PTPRG: variants seen among roughly 807,000 people sequenced by gnomAD.
PTPRG encodes the protein protein tyrosine phosphatase receptor type G, also known as receptor-type tyrosine-protein phosphatase gamma.
A neutral mutation model predicts 165.3 loss-of-function variants in PTPRG; 102 were observed. That is an observed-to-expected ratio of 0.62 (90% confidence interval 0.53 to 0.73). The LOEUF (loss-of-function observed/expected upper bound fraction) is 0.73, where lower values mean the gene tolerates loss of function less well. PTPRG is among the 30% of genes least tolerant of loss of function. The pLI is 0.00. For missense variants in PTPRG, 1,866 were observed against 1,861.4 expected (o/e 1.00, Z -0.05); for synonymous variants, 675 against 669.5 (o/e 1.01, Z -0.13).
At chr3:62,191,831 A>G (rs1699832155) in intron 9 of PTPRG, among the ~76,000 whole-genome samples, 178 bp downstream of exon 9, 1 of 152,144 alleles carries the variant, frequency 6.6e-6, no homozygotes, top group South Asian at 2.1e-4. Context: ...CAGTGGATGG[A>G]GCCTGCCTGG....
rs966406048 is a variant in PTPRG, at chr3:62,106,561, C to A, written c.616-26041C>A. Among the ~76,000 whole-genome samples the A allele has an allele frequency of 2.0e-5, 3 of 148,794 alleles. No homozygotes were observed. In the South Asian group the frequency reaches 6.4e-4, roughly 32 times the overall value. On this transcript the variant is annotated intron_variant, in intron 5 of 29. Coordinates refer to ENST00000474889, the MANE Select transcript of PTPRG (RefSeq NM_002841.4). ...TGTTGCCCAGGCTGGGGTGCAGTGA[C>A]GCAATCACGGTTCACCGCAGCCTTG...
At chr3:62,183,658 T>C (rs1705751305) in intron 8 of PTPRG, among the ~76,000 whole-genome samples, 1 of 151,634 alleles carries the variant, frequency 6.6e-6, no homozygotes, top group Non-Finnish European at 1.5e-5. Flanking sequence ...ATCCTGTCAC[T>C]CCTTGAAGGA....
chr3:61,577,992 G>A (rs957023904), intron 1 of PTPRG, among the ~76,000 whole-genome samples: 7 of 152,246 alleles, frequency 4.6e-5, no homozygotes, highest in African/African-American at 1.7e-4. Context: ...TGTTGGAGGA[G>A]TAAATGAGGT....
intron 28 of PTPRG, among the ~76,000 whole-genome samples, chr3:62,286,799 T>G (rs1702681456): frequency 6.6e-6 from 1 of 152,122 alleles, no homozygotes; most frequent in African/African-American, 2.4e-5. Context: ...CTTATACCAC[T>G]TTTGCACCAA....
chr3:61,922,649 T>C (rs1159958203), intron 2 of PTPRG, among the ~76,000 whole-genome samples: 2 of 152,184 alleles, frequency 1.3e-5, no homozygotes, highest in Non-Finnish European at 2.9e-5. Flanking sequence ...GTTCAGGTCT[T>C]TTATCTTTTG....
intron 2 of PTPRG, among the ~76,000 whole-genome samples, chr3:61,841,397 T>A (rs1277851431): frequency 6.6e-6 from 1 of 152,138 alleles, no homozygotes; most frequent in Non-Finnish European, 1.5e-5. Flanking sequence ...TTTTGTGAGG[T>A]TTCTTGTTTC....
At position 62,282,603 on chromosome 3, in the gene PTPRG, G is replaced by A. The variant is rs765801964; in HGVS notation, c.3913-124G>A. On this transcript the variant is annotated intron_variant, in intron 27 of 29. Transcript: ENST00000474889. ...TTTTTCTTCTTTCCAGCTGTGGTTT[G>A]GTTAACACAACATTGTTGAGAGTTA... 653 of 900,704 alleles carry A rather than the reference G, an allele frequency of 7.2e-4. 4 individuals carry two copies. The Middle Eastern group carries it at 8.3e-3, about 11-fold the overall frequency. The allele number at this position is 900,704 out of a possible 1,614,324, so 55.8% of individuals were successfully genotyped here. A position where few individuals can be genotyped will look rare whatever the true frequency, so the allele number is the denominator to read the frequency against.
At chr3:62,032,782 T>C (rs1269555369) in intron 4 of PTPRG, among the ~76,000 whole-genome samples, 2 of 152,182 alleles carry the variant, frequency 1.3e-5, no homozygotes, top group African/African-American at 2.4e-5. Context: ...GAAATTTTAA[T>C]TTCAGATCAG....
At chr3:62,179,713 C>T (rs963429008) in intron 8 of PTPRG, among the ~76,000 whole-genome samples, 1 of 152,238 alleles carries the variant, frequency 6.6e-6, no homozygotes. Context: ...CCTGGTCTCT[C>T]CATCAACTGA....
intron 8 of PTPRG, among the ~76,000 whole-genome samples, chr3:62,188,645 C>CA (rs887358717): frequency 3.9e-5 from 6 of 151,962 alleles, no homozygotes; most frequent in Non-Finnish European, 8.8e-5. Context: ...ATTTTAATTT[C>CA]AAAAAATAAG....
At chr3:62,000,526 A>G (rs1419333436) in intron 3 of PTPRG, among the ~76,000 whole-genome samples, 6 of 152,276 alleles carry the variant, frequency 3.9e-5, no homozygotes, top group Non-Finnish European at 7.4e-5. Context: ...TGGCATGCAA[A>G]TGTTTACATA....
intron 2 of PTPRG, among the ~76,000 whole-genome samples, chr3:61,759,484 G>C (rs888423163): frequency 1.3e-5 from 2 of 151,818 alleles, no homozygotes; most frequent in East Asian, 1.9e-4. Flanking sequence ...GTGAGGACCT[G>C]TCTCTACAAA....
At chr3:62,266,672 C>G (rs532233991) in intron 17 of PTPRG, among the ~76,000 whole-genome samples, 1 of 151,734 alleles carries the variant, frequency 6.6e-6, no homozygotes, top group South Asian at 2.1e-4. Context: ...ACTTCTTTTT[C>G]AACTAGCCTT....
intron 1 of PTPRG, among the ~76,000 whole-genome samples, chr3:61,589,126 A>G (rs947324070): frequency 1.3e-5 from 2 of 152,250 alleles, no homozygotes; most frequent in Non-Finnish European, 2.9e-5. Context: ...TGAGACGGAC[A>G]TAATTATATG....
rs1576237725 is a variant in PTPRG, at chr3:62,293,789, A to C, written c.*482A>C. 1 of 152,332 alleles carries C rather than the reference A, an allele frequency of 6.6e-6. No homozygotes were observed. Among genetic ancestry groups the C allele is most frequent in the South Asian group, 2.1e-4 (1 of 4,822 alleles). The allele number at this position is 152,332 out of a possible 1,614,324, so 9.4% of individuals were successfully genotyped here. A position where few individuals can be genotyped will look rare whatever the true frequency, so the allele number is the denominator to read the frequency against. ...CTGTATGCCTTCTGTATTTTAATGGAGTGGATAGCATTGTTTTCTTTTACA... is the reference window on the plus strand; with the variant it reads ...CTGTATGCCTTCTGTATTTTAATGGCGTGGATAGCATTGTTTTCTTTTACA... On this transcript the variant is annotated 3_prime_UTR_variant, in exon 30 of 30. Transcript: ENST00000474889.
At chr3:61,732,637 A>G (rs911648248) in intron 1 of PTPRG, among the ~76,000 whole-genome samples, 1 of 152,066 alleles carries the variant, frequency 6.6e-6, no homozygotes, top group Non-Finnish European at 1.5e-5. Context: ...TGAACCCGAG[A>G]GGCGGAGCTT....
At chr3:61,574,865 A>G (rs1275602175) in intron 1 of PTPRG, among the ~76,000 whole-genome samples, 5 of 151,964 alleles carry the variant, frequency 3.3e-5, no homozygotes, top group Admixed American at 6.6e-5. Flanking sequence ...CTTCGTAACA[A>G]CCCCGCTCAA....
chr3:61,818,737 TAGG>T (rs1201322870), intron 2 of PTPRG, among the ~76,000 whole-genome samples: 1 of 151,934 alleles, frequency 6.6e-6, no homozygotes, highest in Non-Finnish European at 1.5e-5. Flanking sequence ...ATATGTGTGA[TAGG>T]AGTCCTGTAA....
chr3:61,673,134 C>T (rs999892973), intron 1 of PTPRG, among the ~76,000 whole-genome samples: 1 of 152,016 alleles, frequency 6.6e-6, no homozygotes. Flanking sequence ...TGCACTCCAG[C>T]CTAGGCAACA....
Sources: gnomAD v4.1 joint callset for allele counts (sites outside exome capture counted in the v4.1 genomes callset) on GRCh38, gnomAD v4.1.1 for gene constraint, MANE v1.5 for transcripts, NCBI Gene and HGNC (gene_info 2026-07-23, HGNC 2026-07-21) for gene names.